The following ABI3BP variants were observed in gnomAD, a reference collection of about 807,000 sequenced individuals.
ABI3BP encodes the protein ABI family member 3 binding protein.
Under a neutral mutation model 268.6 loss-of-function variants are expected in ABI3BP, and 216 were observed. The observed-to-expected ratio is 0.80, with a 90% CI of 0.72 to 0.90. The LOEUF (loss-of-function observed/expected upper bound fraction) is 0.90. Among genes scored for constraint, ABI3BP ranks in the 40% least tolerant of loss-of-function variants. The probability of loss-of-function intolerance (pLI) is 0.00; values close to 1 mark genes in which losing one functional copy is unlikely to be tolerated. For missense variants in ABI3BP, 2,090 were observed against 2,182.4 expected, an observed-to-expected ratio of 0.96 and a Z score of 0.84; for synonymous variants, 730 against 730.0, an observed-to-expected ratio of 1.00 and a Z score of 0.00.
intron 1 of ABI3BP, 141 bp downstream of exon 1, chr3:100,993,165 C>G (rs763997143): frequency 1.7e-6 from 1 of 574,638 alleles, no homozygotes; most frequent in African/African-American, 1.9e-5. Flanking sequence ...TTAAGAGACC[C>G]CTTCACACAT....
chr3:100,870,352 C>A lies in ABI3BP; in HGVS notation c.911-3396G>T, dbSNP rs568587136. On this transcript the variant is annotated intron_variant, in intron 9 of 67. Coordinates refer to ENST00000471714, the MANE Select transcript of ABI3BP (RefSeq NM_001375547.2). The stretch of plus-strand genomic sequence containing the variant: ...CAAAATAACACAACCACCCTCAACC[C>A]CAAATAACCTAATTAAAACATGGGC... Among the ~76,000 whole-genome samples, 3 of 152,016 alleles carry A rather than the reference C, an allele frequency of 2.0e-5. No individual in the cohort carries two copies. In the South Asian group the frequency reaches 6.2e-4, roughly 32 times the overall value.
At chr3:100,806,692 G>A (rs2097716604) in intron 50 of ABI3BP, among the ~76,000 whole-genome samples, 1 of 152,074 alleles carries the variant, frequency 6.6e-6, no homozygotes, top group Non-Finnish European at 1.5e-5. Context: ...ACTGGAAGTT[G>A]CTTCAATCGG....
At chr3:100,862,487 C>A in intron 13 of ABI3BP, 102 bp from the exon 14 acceptor site, 1 of 714,892 alleles carries the variant, frequency 1.4e-6, no homozygotes, top group South Asian at 1.8e-5. Flanking sequence ...CTACCAGAAG[C>A]CTGCAGTATA....
At chr3:100,884,181 T>C (rs1439398433) in intron 6 of ABI3BP, among the ~76,000 whole-genome samples, 1 of 152,108 alleles carries the variant, frequency 6.6e-6, no homozygotes, top group East Asian at 1.9e-4. Context: ...TTAATGCTTC[T>C]TTTCCCACTT....
intron 60 of ABI3BP, 79 bp downstream of exon 60, chr3:100,775,128 C>A: frequency 1.3e-6 from 2 of 1,519,876 alleles, no homozygotes; most frequent in Non-Finnish European, 1.8e-6. Flanking sequence ...CAAACTGAGA[C>A]TCACCCATCC....
At chr3:100,874,735 T>G in intron 9 of ABI3BP, 106 bp downstream of exon 9, 2 of 621,152 alleles carry the variant, frequency 3.2e-6, no homozygotes, top group South Asian at 2.8e-5. Context: ...CTTTTTTACT[T>G]TGAGATCCTC....
At position 100,891,770 on chromosome 3, in the gene ABI3BP, T is replaced by C. The variant is rs143494674; in HGVS notation, c.462-5447A>G. 3.3e-5 allele frequency among the ~76,000 whole-genome samples: 5 copies of C among 152,334 alleles called. No individual in the cohort carries two copies. The East Asian group carries it at 9.6e-4, about 29-fold the overall frequency. The stretch of plus-strand genomic sequence containing the variant: ...CATCCCACTTGCATATTCACTTATA[T>C]GTTGAGAACTACTATTGTAAAATAC... On this transcript the variant is annotated intron_variant, in intron 4 of 67. Transcript: ENST00000471714.
chr3:100,975,552 A>G (rs369652406), intron 1 of ABI3BP, among the ~76,000 whole-genome samples: 4 of 152,214 alleles, frequency 2.6e-5, no homozygotes, highest in South Asian at 4.2e-4. Context: ...GACCTGACTC[A>G]ATTTTTTTCA....
chr3:100,896,500 G>A (rs1424706093), intron 4 of ABI3BP, among the ~76,000 whole-genome samples: 1 of 152,194 alleles, frequency 6.6e-6, no homozygotes, highest in African/African-American at 2.4e-5. Context: ...ACACAAGTTT[G>A]CCAGGTTACT....
chr3:100,898,916 T>A, intron 3 of ABI3BP, 22 bp from the exon 4 acceptor site: 1 of 1,585,286 alleles, frequency 6.3e-7, no homozygotes, highest in Non-Finnish European at 8.6e-7. Context: ...GCATAGAGGT[T>A]AATAATTCAG....
chr3:100,803,631 TA>T (rs1163637097), intron 51 of ABI3BP, among the ~76,000 whole-genome samples: 1 of 151,962 alleles, frequency 6.6e-6, no homozygotes, highest in African/African-American at 2.4e-5. Context: ...ATACTAATAT[TA>T]TTTTTTATAC....
At chr3:100,825,134 A>G (rs984242936) in intron 35 of ABI3BP, among the ~76,000 whole-genome samples, 193 bp from the exon 36 acceptor site, 1 of 152,168 alleles carries the variant, frequency 6.6e-6, no homozygotes, top group Non-Finnish European at 1.5e-5. Context: ...TCATGTATAC[A>G]GTCGAGTTGC....
chr3:100,863,205 T>G (rs1223066720), intron 12 of ABI3BP: 1 of 242,162 alleles, frequency 4.1e-6, no homozygotes, highest in Non-Finnish European at 7.8e-6. Flanking sequence ...TTAAATATAT[T>G]TCATTTAAAT....
intron 14 of ABI3BP, among the ~76,000 whole-genome samples, chr3:100,854,189 A>T (rs1426449162): frequency 1.8e-5 from 1 of 56,934 alleles, no homozygotes; most frequent in Non-Finnish European, 3.5e-5. Flanking sequence ...TGTCTCTACT[A>T]AAAAAAAAAA....
At chr3:100,835,458 A>G (rs1278993150) in intron 28 of ABI3BP, 143 bp downstream of exon 28, 2 of 662,700 alleles carry the variant, frequency 3.0e-6, no homozygotes, top group Non-Finnish European at 4.9e-6. Context: ...CTTTCAATAC[A>G]TTCAAAATGA....
chr3:100,854,666 A>G (rs1405212420), intron 14 of ABI3BP, among the ~76,000 whole-genome samples: 2 of 152,224 alleles, frequency 1.3e-5, no homozygotes, highest in East Asian at 3.8e-4. Flanking sequence ...TGCTACAGCT[A>G]TAAGACATTA....
chr3:100,953,652 A>G (rs2075874017), intron 1 of ABI3BP, among the ~76,000 whole-genome samples: 1 of 152,194 alleles, frequency 6.6e-6, no homozygotes, highest in South Asian at 2.1e-4. Flanking sequence ...TACCAGACAG[A>G]GAGACGATTG....
At chr3:100,930,368 A>G (rs1340354573) in intron 1 of ABI3BP, among the ~76,000 whole-genome samples, 1 of 152,004 alleles carries the variant, frequency 6.6e-6, no homozygotes, top group Non-Finnish European at 1.5e-5. Flanking sequence ...CTTAGACAAA[A>G]AATTGCATAT....
intron 4 of ABI3BP, among the ~76,000 whole-genome samples, chr3:100,896,251 G>A (rs1415953206): frequency 6.6e-6 from 1 of 152,216 alleles, no homozygotes; most frequent in Non-Finnish European, 1.5e-5. Flanking sequence ...TGAGATCCAT[G>A]CATGGTCTGA....
Sources: gnomAD v4.1 joint callset for allele counts (sites outside exome capture counted in the v4.1 genomes callset) on GRCh38, gnomAD v4.1.1 for gene constraint, MANE v1.5 for transcripts, NCBI Gene and HGNC (gene_info 2026-07-23, HGNC 2026-07-21) for gene names.